Variants in CHCHD6 observed in about 807,000 individuals in gnomAD.
CHCHD6 encodes coiled-coil-helix-coiled-coil-helix domain containing 6.
CHCHD6 carries 28 observed loss-of-function variants against 32.3 expected under a neutral mutation model. The observed-to-expected ratio is 0.87, with a 90% CI of 0.64 to 1.19. The LOEUF is 1.19. Among genes scored for constraint, CHCHD6 ranks in the 50% most tolerant of loss-of-function variants. The pLI is 0.00. For missense variants in CHCHD6, 333 were observed against 307.0 expected, an observed-to-expected ratio of 1.08 and a Z score of -0.63; for synonymous variants, 122 against 117.5, an observed-to-expected ratio of 1.04 and a Z score of -0.25.
At chr3:126,804,589 A>T (rs1576437312) in intron 4 of CHCHD6, among the ~76,000 whole-genome samples, 1 of 152,242 alleles carries the variant, frequency 6.6e-6, no homozygotes, top group East Asian at 1.9e-4. Context: ...CCAACCAAAA[A>T]GAGTCGAGGA....
intron 5 of CHCHD6, among the ~76,000 whole-genome samples, chr3:126,902,197 G>A (rs912336379): frequency 1.3e-5 from 2 of 152,200 alleles, no homozygotes; most frequent in Non-Finnish European, 2.9e-5. Flanking sequence ...GCCCACCCTA[G>A]ACCAGTAATC....
chr3:126,889,147 G>A (rs1028944780), intron 5 of CHCHD6, among the ~76,000 whole-genome samples: 4 of 152,194 alleles, frequency 2.6e-5, no homozygotes, highest in African/African-American at 7.2e-5. Context: ...TGGTGTCGGG[G>A]TGGACTAGAA....
intron 1 of CHCHD6, among the ~76,000 whole-genome samples, chr3:126,725,330 G>A (rs1371729901): frequency 6.6e-6 from 1 of 152,220 alleles, no homozygotes; most frequent in East Asian, 1.9e-4. Flanking sequence ...GCATTGTCAA[G>A]GAGCAGTAAT....
intron 4 of CHCHD6, among the ~76,000 whole-genome samples, chr3:126,836,088 T>A (rs1940849380): frequency 6.6e-6 from 1 of 152,138 alleles, no homozygotes; most frequent in South Asian, 2.1e-4. Context: ...AATAAATAGA[T>A]CATATCGCTA....
chr3:126,771,407 A>G (rs538634386), intron 4 of CHCHD6, among the ~76,000 whole-genome samples: 12 of 151,700 alleles, frequency 7.9e-5, no homozygotes, highest in South Asian at 6.2e-4. Context: ...GTTTCACCAT[A>G]TTGACCAGGA....
chr3:126,751,702 A>G (rs573619615), intron 4 of CHCHD6, among the ~76,000 whole-genome samples: 2 of 152,226 alleles, frequency 1.3e-5, no homozygotes, highest in South Asian at 4.2e-4. Flanking sequence ...CTGCCGCAGC[A>G]TGGTGTGAAT....
intron 5 of CHCHD6, among the ~76,000 whole-genome samples, chr3:126,875,250 G>A (rs1313465913): frequency 6.6e-6 from 1 of 152,236 alleles, no homozygotes; most frequent in Admixed American, 6.5e-5. Context: ...CTGTGGGGAA[G>A]TACCCACCCT....
At chr3:126,926,477 A>T (rs1468281014) in intron 6 of CHCHD6, among the ~76,000 whole-genome samples, 1 of 152,212 alleles carries the variant, frequency 6.6e-6, no homozygotes, top group East Asian at 1.9e-4. Context: ...GTGTGGCCTC[A>T]GAGATGAAAT....
intron 6 of CHCHD6, among the ~76,000 whole-genome samples, chr3:126,938,492 G>C (rs2078514864): frequency 6.6e-6 from 1 of 152,196 alleles, no homozygotes. Flanking sequence ...AATGGTAGCT[G>C]TTCTTATTTA....
chr3:126,956,463 G>A (rs1340597318), intron 6 of CHCHD6, among the ~76,000 whole-genome samples: 1 of 152,248 alleles, frequency 6.6e-6, no homozygotes, highest in African/African-American at 2.4e-5. Flanking sequence ...TTCCTCATTT[G>A]TGTGAACAGC....
At chr3:126,869,790 C>T (rs2077440686) in intron 5 of CHCHD6, among the ~76,000 whole-genome samples, 2 of 152,168 alleles carry the variant, frequency 1.3e-5, no homozygotes, top group Admixed American at 1.3e-4. Context: ...AGTTTAAAAG[C>T]TCCCCCTTCC....
chr3:126,896,682 A>T (rs1208728421), intron 5 of CHCHD6, among the ~76,000 whole-genome samples: 1 of 152,190 alleles, frequency 6.6e-6, no homozygotes, highest in Admixed American at 6.5e-5. Context: ...CTGCCCTGTG[A>T]TCAGATCAGC....
chr3:126,728,519 G>A (rs1301622559), intron 2 of CHCHD6, among the ~76,000 whole-genome samples: 1 of 152,176 alleles, frequency 6.6e-6, no homozygotes, highest in East Asian at 1.9e-4. Flanking sequence ...TGTAGGGGAT[G>A]TGTGAGATTC....
chr3:126,847,584 C>A (rs116636422), intron 4 of CHCHD6, among the ~76,000 whole-genome samples: 2,742 of 152,320 alleles, frequency 0.018, 30 homozygotes, highest in Middle Eastern at 0.051. Flanking sequence ...CCAGCCTACA[C>A]TCAAGAGGAG....
intron 5 of CHCHD6, among the ~76,000 whole-genome samples, chr3:126,872,431 T>C (rs979385082): frequency 1.3e-5 from 2 of 152,168 alleles, no homozygotes; most frequent in Non-Finnish European, 2.9e-5. Flanking sequence ...TACCTCGTAA[T>C]CACCTGAAGT....
chr3:126,919,556 C>T (rs943684633), intron 6 of CHCHD6, among the ~76,000 whole-genome samples: 1 of 150,934 alleles, frequency 6.6e-6, no homozygotes, highest in Non-Finnish European at 1.5e-5. Flanking sequence ...TTATGCAATC[C>T]TCCTGCCTCA....
chr3:126,750,367 G>A (rs1936678063), intron 4 of CHCHD6, among the ~76,000 whole-genome samples: 1 of 152,240 alleles, frequency 6.6e-6, no homozygotes, highest in African/African-American at 2.4e-5. Context: ...AAGATGATCT[G>A]TTAAGATGCC....
intron 5 of CHCHD6, among the ~76,000 whole-genome samples, chr3:126,887,758 G>A (rs915665126): frequency 2.6e-5 from 4 of 152,214 alleles, no homozygotes; most frequent in South Asian, 4.1e-4. Context: ...TGGACCAGCC[G>A]CAGCATAGGG....
chr3:126,830,630 G>A (rs1327085904), intron 4 of CHCHD6, among the ~76,000 whole-genome samples: 3 of 152,232 alleles, frequency 2.0e-5, no homozygotes, highest in East Asian at 3.8e-4. Flanking sequence ...CTTTACGGCT[G>A]CTACTTGGGT....
Sources: gnomAD v4.1 joint callset for allele counts (sites outside exome capture counted in the v4.1 genomes callset) on GRCh38, gnomAD v4.1.1 for gene constraint, MANE v1.5 for transcripts, NCBI Gene and HGNC (gene_info 2026-07-23, HGNC 2026-07-21) for gene names.